DCLK1: variants seen among roughly 807,000 people sequenced by gnomAD.
DCLK1 encodes the protein serine/threonine-protein kinase DCLK1.
A neutral mutation model predicts 86.2 loss-of-function variants in DCLK1; 16 were observed. The ratio of observed to expected loss-of-function variants is 0.19; its 90% CI spans 0.13 to 0.28. The LOEUF is 0.28. Ranked by LOEUF, DCLK1 falls within the 10% of genes least tolerant of loss-of-function variation. The pLI, the probability that DCLK1 is intolerant of heterozygous loss-of-function variation, is 1.00. For missense variants in DCLK1, 590 were observed against 940.2 expected (o/e 0.63, Z 4.87); for synonymous variants, 369 against 370.5 (o/e 1.00, Z 0.05).
At chr13:35,839,433 C>T (rs545476426) in intron 6 of DCLK1, among the ~76,000 whole-genome samples, 1 of 152,246 alleles carries the variant, frequency 6.6e-6, no homozygotes, top group Non-Finnish European at 1.5e-5. Context: ...CTTCTTATTC[C>T]TTTTGCTCAA....
intron 16 of DCLK1, among the ~76,000 whole-genome samples, chr13:35,780,790 T>C (rs560007652): frequency 7.9e-5 from 12 of 152,348 alleles, no homozygotes; most frequent in South Asian, 2.1e-4. Flanking sequence ...GGTAAAATAA[T>C]GCCAGCTATC....
At chr13:35,838,304 C>T (rs1869540860) in intron 7 of DCLK1, among the ~76,000 whole-genome samples, 2 of 151,744 alleles carry the variant, frequency 1.3e-5, no homozygotes, top group African/African-American at 4.9e-5. Context: ...CCAAAGGGTA[C>T]TTTTTTCGGA....
chr13:36,059,593 A>C (rs1275477138), intron 3 of DCLK1, among the ~76,000 whole-genome samples: 1 of 152,096 alleles, frequency 6.6e-6, no homozygotes, highest in Non-Finnish European at 1.5e-5. Context: ...GAGGGATTTG[A>C]CTCTGGACCG....
At chr13:35,847,912 A>T in intron 6 of DCLK1, 1 of 985,340 alleles carries the variant, frequency 1.0e-6, no homozygotes, top group Non-Finnish European at 1.2e-6. Flanking sequence ...TTGATTAAAC[A>T]AGACAAAAAC....
At chr13:35,895,917 G>T (rs966348573) in intron 4 of DCLK1, among the ~76,000 whole-genome samples, 2 of 120,620 alleles carry the variant, frequency 1.7e-5, no homozygotes, top group African/African-American at 3.2e-5. Context: ...TTCTACAAAC[G>T]CCAGATTGAT....
At chr13:35,969,055 G>C (rs952269713) in intron 3 of DCLK1, among the ~76,000 whole-genome samples, 1 of 152,044 alleles carries the variant, frequency 6.6e-6, no homozygotes, top group African/African-American at 2.4e-5. Flanking sequence ...TAAAAATCAG[G>C]GCAATTACCA....
At chr13:36,087,546 G>T (rs1222544096) in intron 3 of DCLK1, among the ~76,000 whole-genome samples, 3 of 152,144 alleles carry the variant, frequency 2.0e-5, no homozygotes, top group African/African-American at 7.2e-5. Context: ...AACATGAAAT[G>T]ACCCATCCTG....
At chr13:35,946,775 C>T (rs543389513) in intron 4 of DCLK1, among the ~76,000 whole-genome samples, 12 of 152,320 alleles carry the variant, frequency 7.9e-5, no homozygotes, top group Admixed American at 2.6e-4. Flanking sequence ...CAACATTTCA[C>T]ATTCATTTCC....
At chr13:35,794,393 G>A (rs186660991) in intron 15 of DCLK1, among the ~76,000 whole-genome samples, 7 of 152,140 alleles carry the variant, frequency 4.6e-5, no homozygotes, top group East Asian at 1.9e-4. Context: ...CAATCACTTC[G>A]ATGCCATTCA....
At chr13:36,103,406 A>T (rs1020565861) in intron 3 of DCLK1, among the ~76,000 whole-genome samples, 10 of 91,040 alleles carry the variant, frequency 1.1e-4, no homozygotes, top group African/African-American at 3.6e-4. Flanking sequence ...ACCTGTCTTA[A>T]AAAAAAAAAA....
intron 3 of DCLK1, among the ~76,000 whole-genome samples, chr13:36,028,179 A>G (rs1284666643): frequency 2.0e-5 from 3 of 152,222 alleles, no homozygotes; most frequent in Non-Finnish European, 4.4e-5. Context: ...TTAACTACTG[A>G]CTATAAAAAA....
intron 3 of DCLK1, among the ~76,000 whole-genome samples, chr13:35,998,740 C>A (rs968446407): frequency 1.3e-5 from 2 of 152,108 alleles, no homozygotes; most frequent in Admixed American, 1.3e-4. Context: ...AGTGCCCTAA[C>A]CTTTTCAGAG....
At chr13:36,013,504 GC>G (rs1457185558) in intron 3 of DCLK1, among the ~76,000 whole-genome samples, 1 of 152,152 alleles carries the variant, frequency 6.6e-6, no homozygotes, top group African/African-American at 2.4e-5. Context: ...GTGTCAGTGT[GC>G]CCCTGCTGGG....
intron 3 of DCLK1, among the ~76,000 whole-genome samples, chr13:35,988,999 C>G (rs75918581): frequency 0.014 from 2,083 of 152,202 alleles, 43 homozygotes; most frequent in African/African-American, 0.048. Flanking sequence ...GGTGCTCTCT[C>G]ACCTGCAGGC....
chr13:35,923,726 T>C (rs1875940948), intron 4 of DCLK1, among the ~76,000 whole-genome samples: 1 of 152,052 alleles, frequency 6.6e-6, no homozygotes, highest in African/African-American at 2.4e-5. Context: ...AGTTCCTGTA[T>C]TACTAAGCAT....
chr13:35,948,021 C>T (rs1052410838), intron 3 of DCLK1, among the ~76,000 whole-genome samples: 1 of 152,138 alleles, frequency 6.6e-6, no homozygotes, highest in Admixed American at 6.5e-5. Flanking sequence ...TAAGTGTATG[C>T]CCACCACCCA....
chr13:36,045,788 G>C (rs1882891270), intron 3 of DCLK1, among the ~76,000 whole-genome samples: 1 of 151,888 alleles, frequency 6.6e-6, no homozygotes, highest in African/African-American at 2.4e-5. Flanking sequence ...GGGAGGCAGA[G>C]GTTGCAGTGA....
chr13:35,993,976 C>G (rs1164218214), intron 3 of DCLK1, among the ~76,000 whole-genome samples: 1 of 152,026 alleles, frequency 6.6e-6, no homozygotes, highest in South Asian at 2.1e-4. Context: ...CAGTTAACAT[C>G]TCTAGTCCTT....
intron 3 of DCLK1, among the ~76,000 whole-genome samples, chr13:36,022,119 GA>G (rs1881810809): frequency 6.6e-6 from 1 of 151,916 alleles, no homozygotes. Context: ...ATTAATAAAG[GA>G]AATTTGAGAA....
Sources: gnomAD v4.1 joint callset for allele counts (sites outside exome capture counted in the v4.1 genomes callset) on GRCh38, gnomAD v4.1.1 for gene constraint, MANE v1.5 for transcripts, NCBI Gene and HGNC (gene_info 2026-07-23, HGNC 2026-07-21) for gene names.